The following CLASP1 variants were observed in gnomAD, a reference collection of about 807,000 sequenced individuals.
The protein encoded by CLASP1 is cytoplasmic linker associated protein 1.
CLASP1 carries 38 observed loss-of-function variants against 192.3 expected under a neutral mutation model. The observed-to-expected ratio is 0.20, with a 90% CI of 0.15 to 0.26. CLASP1 has a LOEUF of 0.26. Ranked by LOEUF, CLASP1 falls within the 10% of genes least tolerant of loss-of-function variation. The pLI is 1.00. For missense variants in CLASP1, 1,433 were observed against 1,932.5 expected, an observed-to-expected ratio of 0.74 and a Z score of 4.85; for synonymous variants, 691 against 712.8, an observed-to-expected ratio of 0.97 and a Z score of 0.49.
chr2:121,570,769 T>G (rs1320486873), intron 2 of CLASP1, among the ~76,000 whole-genome samples: 2 of 152,180 alleles, frequency 1.3e-5, no homozygotes, highest in Non-Finnish European at 2.9e-5. Context: ...AGTTCTTCAA[T>G]TAGTAACAAA....
intron 2 of CLASP1, among the ~76,000 whole-genome samples, chr2:121,557,993 C>T (rs2058729412): frequency 6.7e-6 from 1 of 148,368 alleles, no homozygotes; most frequent in Non-Finnish European, 1.5e-5. Context: ...AGGCAGAGAA[C>T]TGCTTGAACC....
At chr2:121,572,633 C>T (rs2060086866) in intron 2 of CLASP1, among the ~76,000 whole-genome samples, 1 of 152,080 alleles carries the variant, frequency 6.6e-6, no homozygotes, top group Admixed American at 6.6e-5. Flanking sequence ...GTGGCTCACG[C>T]ACCTGTAATC....
At chr2:121,397,193 C>T in exon 30 of CLASP1, 1 of 1,613,904 alleles carries the variant, frequency 6.2e-7, no homozygotes. Context: ...ATTCTAGAAA[C>T]AGCAAGCCTT....
intron 30 of CLASP1, among the ~76,000 whole-genome samples, 192 bp downstream of exon 31, chr2:121,396,948 C>T (rs1375719333): frequency 1.3e-5 from 2 of 152,178 alleles, no homozygotes; most frequent in African/African-American, 4.8e-5. Context: ...ACCATAAGCC[C>T]ATCATGCAAG....
chr2:121,397,683 C>T (rs2075518977), intron 29 of CLASP1, among the ~76,000 whole-genome samples: 1 of 152,188 alleles, frequency 6.6e-6, no homozygotes. Flanking sequence ...GCAGCATTTT[C>T]AGTAATCAAG....
intron 30 of CLASP1, among the ~76,000 whole-genome samples, chr2:121,390,935 C>T (rs1158386057): frequency 6.6e-6 from 1 of 152,150 alleles, no homozygotes; most frequent in African/African-American, 2.4e-5. Flanking sequence ...CCTCCTGCCT[C>T]AGCCTCCCAA....
At chr2:121,423,309 A>C (rs889802591) in intron 22 of CLASP1, among the ~76,000 whole-genome samples, 1 of 152,190 alleles carries the variant, frequency 6.6e-6, no homozygotes, top group Non-Finnish European at 1.5e-5. Context: ...AACAGGCTTA[A>C]GTTCCTACTG....
rs1021279562 is a variant in CLASP1, at chr2:121,389,490, A to T, written c.3124-1584T>A. On this transcript the variant is annotated intron_variant, in intron 30 of 39. Coordinates refer to ENST00000263710, the Ensembl canonical transcript of CLASP1. ...AACATTGTATTAGGTGTTAGAAAAA[A>T]AAAAAACAATGCATGCAGAAAAATA... 3.9e-5 allele frequency among the ~76,000 whole-genome samples: 6 copies of T among 152,048 alleles called. No individual in the cohort carries two copies. In the South Asian group the frequency reaches 1.2e-3, roughly 31 times the overall value.
chr2:121,443,007 C>T (rs1364504694), intron 19 of CLASP1, among the ~76,000 whole-genome samples: 4 of 152,198 alleles, frequency 2.6e-5, no homozygotes, highest in Non-Finnish European at 5.9e-5. Flanking sequence ...CTCAGTCTCA[C>T]TGCTGAAACC....
chr2:121,354,212 A>G (rs550357860), intron 37 of CLASP1, among the ~76,000 whole-genome samples: 1 of 152,346 alleles, frequency 6.6e-6, no homozygotes, highest in East Asian at 1.9e-4. Context: ...CAAATGATCA[A>G]CTTGGGCTGT....
chr2:121,512,072 A>C (rs1321538503), intron 7 of CLASP1, among the ~76,000 whole-genome samples: 1 of 152,224 alleles, frequency 6.6e-6, no homozygotes, highest in South Asian at 2.1e-4. Context: ...TTTTTTAAAA[A>C]AGTAGTTCCC....
At chr2:121,342,472 C>A (rs2062903999) in intron 39 of CLASP1, among the ~76,000 whole-genome samples, 1 of 151,888 alleles carries the variant, frequency 6.6e-6, no homozygotes, top group South Asian at 2.1e-4. Flanking sequence ...GGGGATGCAG[C>A]AAAAACAGTG....
At chr2:121,358,345 AAG>A (rs1178668583) in intron 37 of CLASP1, among the ~76,000 whole-genome samples, 2 of 152,186 alleles carry the variant, frequency 1.3e-5, no homozygotes, top group Non-Finnish European at 2.9e-5. Context: ...TTGATAGGGT[AAG>A]AGATAAGGAA....
chr2:121,557,898 T>C (rs1043084165), intron 2 of CLASP1, among the ~76,000 whole-genome samples: 10 of 151,868 alleles, frequency 6.6e-5, no homozygotes, highest in African/African-American at 2.2e-4. Flanking sequence ...CTGGACAAGA[T>C]GGTGAAACCC....
intron 2 of CLASP1, among the ~76,000 whole-genome samples, chr2:121,605,195 C>T (rs2064275175): frequency 6.9e-6 from 1 of 145,426 alleles, no homozygotes; most frequent in African/African-American, 2.5e-5. Flanking sequence ...ATCCTCTAGG[C>T]CATTACACAC....
exon 11 of CLASP1, chr2:121,461,189 T>A: frequency 1.9e-6 from 3 of 1,566,214 alleles, no homozygotes; most frequent in Non-Finnish European, 2.6e-6. Context: ...TCGGCTGGAA[T>A]AAATCTGTAA....
chr2:121,418,628 G>C (rs762320678), exon 23 of CLASP1: 121 of 1,612,740 alleles, frequency 7.5e-5, no homozygotes, highest in Non-Finnish European at 9.9e-5. Flanking sequence ...TCACCAAGTG[G>C]AGGAAAGCCC....
intron 2 of CLASP1, among the ~76,000 whole-genome samples, chr2:121,578,644 C>A (rs1277820344): frequency 6.6e-6 from 1 of 151,298 alleles, no homozygotes; most frequent in Non-Finnish European, 1.5e-5. Context: ...AGGAGAATCA[C>A]TTGAACCAGG....
At chr2:121,443,970 A>T (rs1477739514) in intron 19 of CLASP1, among the ~76,000 whole-genome samples, 1 of 152,200 alleles carries the variant, frequency 6.6e-6, no homozygotes, top group Non-Finnish European at 1.5e-5. Flanking sequence ...GTGACTAAAT[A>T]ATATATGAAA....
Sources: allele counts gnomAD v4.1 joint callset (sites outside exome capture counted in the v4.1 genomes callset), GRCh38; gene constraint gnomAD v4.1.1; transcripts MANE v1.5; gene names NCBI Gene and HGNC (gene_info 2026-07-23, HGNC 2026-07-21).